CACNB2: variants seen among roughly 807,000 people sequenced by gnomAD.
CACNB2 encodes voltage-dependent L-type calcium channel subunit beta-2.
A neutral mutation model predicts 73.3 loss-of-function variants in CACNB2; 42 were observed. The observed-to-expected ratio is 0.57, with a 90% confidence interval of 0.45 to 0.74. The LOEUF is 0.74. Ranked by LOEUF, CACNB2 falls within the 30% of genes least tolerant of loss-of-function variation. The pLI is 0.00. For synonymous variants in CACNB2, 348 were observed against 310.3 expected (o/e 1.12, Z -1.28); for missense variants, 940 against 853.0 (o/e 1.10, Z -1.27).
intron 2 of CACNB2, among the ~76,000 whole-genome samples, chr10:18,231,695 G>A (rs2036231879): frequency 6.6e-6 from 1 of 152,140 alleles, no homozygotes; most frequent in African/African-American, 2.4e-5. Flanking sequence ...TTGCTGTCCT[G>A]GATCTATGTG....
intron 2 of CACNB2, among the ~76,000 whole-genome samples, chr10:18,154,638 T>G (rs774767819): frequency 6.6e-6 from 1 of 152,080 alleles, no homozygotes; most frequent in Non-Finnish European, 1.5e-5. Context: ...TGGCTAATAT[T>G]CGTATTTTTA....
chr10:18,272,950 C>A (rs1416344622), intron 2 of CACNB2, among the ~76,000 whole-genome samples: 1 of 152,138 alleles, frequency 6.6e-6, no homozygotes, highest in African/African-American at 2.4e-5. Context: ...TCTCTGGGAA[C>A]CATCTTAGAC....
chr10:18,247,862 G>A (rs1034334336), intron 2 of CACNB2, among the ~76,000 whole-genome samples: 5 of 152,160 alleles, frequency 3.3e-5, no homozygotes, highest in African/African-American at 1.2e-4. Context: ...GAATGCTAAT[G>A]CATATGACAT....
intron 12 of CACNB2, among the ~76,000 whole-genome samples, chr10:18,536,427 T>C (rs1232483858): frequency 6.7e-6 from 1 of 148,602 alleles, no homozygotes; most frequent in Middle Eastern, 3.2e-3. Context: ...ATCGGCTAAC[T>C]TTTTTTTTTC....
chr10:18,267,542 G>T (rs956218245), intron 2 of CACNB2, among the ~76,000 whole-genome samples: 1 of 152,154 alleles, frequency 6.6e-6, no homozygotes, highest in Admixed American at 6.5e-5. Flanking sequence ...GGAGGTGGAG[G>T]TTGCAGTGAA....
At chr10:18,398,564 G>T (rs1045591422) in intron 2 of CACNB2, among the ~76,000 whole-genome samples, 2 of 152,010 alleles carry the variant, frequency 1.3e-5, no homozygotes, top group Admixed American at 1.3e-4. Flanking sequence ...CCAGCTGCTT[G>T]GGAGGCTGAA....
intron 2 of CACNB2, among the ~76,000 whole-genome samples, chr10:18,351,098 A>T (rs75702018): frequency 9.2e-5 from 14 of 152,132 alleles, no homozygotes; most frequent in Non-Finnish European, 1.8e-4. Flanking sequence ...GAATGTATAT[A>T]AAAACAAAGT....
intron 3 of CACNB2, among the ~76,000 whole-genome samples, chr10:18,442,023 A>G (rs1275633724): frequency 6.6e-6 from 1 of 152,238 alleles, no homozygotes; most frequent in Non-Finnish European, 1.5e-5. Flanking sequence ...TCCTCGCCTC[A>G]TAATTCCTTC....
intron 3 of CACNB2, among the ~76,000 whole-genome samples, chr10:18,496,967 T>C (rs1247545475): frequency 6.6e-6 from 1 of 151,684 alleles, no homozygotes; most frequent in African/African-American, 2.4e-5. Context: ...TCCCAGCACT[T>C]TGGGAGGCTG....
At chr10:18,330,110 A>G (rs575212042) in intron 2 of CACNB2, among the ~76,000 whole-genome samples, 1 of 152,228 alleles carries the variant, frequency 6.6e-6, no homozygotes, top group South Asian at 2.1e-4. Context: ...CAAAGTGCTG[A>G]GATTACAGTT....
intron 3 of CACNB2, among the ~76,000 whole-genome samples, chr10:18,404,245 T>A (rs7096168): frequency 0.16 from 24,653 of 152,146 alleles, 2,308 homozygotes; most frequent in East Asian, 0.26. Context: ...CAAAAGAAGA[T>A]ACAAAGATGA....
chr10:18,149,941 C>G (rs970287949), intron 1 of CACNB2, among the ~76,000 whole-genome samples: 3 of 152,152 alleles, frequency 2.0e-5, no homozygotes, highest in East Asian at 3.9e-4. Context: ...AATACTTAAC[C>G]CCATTTTAAA....
intron 2 of CACNB2, among the ~76,000 whole-genome samples, chr10:18,225,871 C>T (rs932408243): frequency 4.6e-5 from 7 of 152,134 alleles, no homozygotes; most frequent in African/African-American, 1.7e-4. Flanking sequence ...AGCTCCTGGG[C>T]TTAAGTGATC....
intron 2 of CACNB2, among the ~76,000 whole-genome samples, chr10:18,216,634 A>G (rs967008536): frequency 6.6e-6 from 1 of 152,236 alleles, no homozygotes; most frequent in Non-Finnish European, 1.5e-5. Context: ...GCTTGTGCAG[A>G]AGAACATAAA....
At chr10:18,379,724 C>T (rs1303073609) in intron 2 of CACNB2, among the ~76,000 whole-genome samples, 1 of 152,186 alleles carries the variant, frequency 6.6e-6, no homozygotes, top group African/African-American at 2.4e-5. Flanking sequence ...TTCACTCTGT[C>T]ACCCAAGCTT....
intron 2 of CACNB2, among the ~76,000 whole-genome samples, chr10:18,362,553 A>G (rs1400474640): frequency 1.3e-5 from 2 of 152,238 alleles, no homozygotes; most frequent in Non-Finnish European, 2.9e-5. Flanking sequence ...TTTTAAGTAT[A>G]AGAAAAATAG....
intron 2 of CACNB2, among the ~76,000 whole-genome samples, chr10:18,278,515 A>C (rs2038394809): frequency 6.6e-6 from 1 of 152,128 alleles, no homozygotes; most frequent in African/African-American, 2.4e-5. Context: ...TCGCAGTGAC[A>C]GGGGCTATTG....
intron 9 of CACNB2, among the ~76,000 whole-genome samples, chr10:18,524,373 A>G (rs1269992752): frequency 2.0e-5 from 3 of 152,158 alleles, no homozygotes; most frequent in Non-Finnish European, 4.4e-5. Flanking sequence ...AGTAATCCTG[A>G]GGCTGAGCAC....
At position 18,395,730 on chromosome 10, in the gene CACNB2, A is replaced by T. The variant is rs560712851; in HGVS notation, c.214-6194A>T. ...ATCATAAAAGTATCACACAGGGATG[A>T]CCCTGCAGCGATGTATTGCTATCAC... On this transcript the variant is annotated intron_variant, in intron 2 of 13. Transcript: ENST00000324631. 5.9e-5 allele frequency among the ~76,000 whole-genome samples: 9 copies of T among 152,280 alleles called. No individual in the cohort carries two copies. The East Asian group carries it at 1.7e-3, about 29-fold the overall frequency.
Sources: allele counts gnomAD v4.1 joint callset (sites outside exome capture counted in the v4.1 genomes callset), GRCh38; gene constraint gnomAD v4.1.1; transcripts MANE v1.5; gene names NCBI Gene and HGNC (gene_info 2026-07-23, HGNC 2026-07-21).